The following DYNC1I1 variants were observed in gnomAD, a reference collection of about 807,000 sequenced individuals.
DYNC1I1 encodes the protein cytoplasmic dynein 1 intermediate chain 1.
DYNC1I1 carries 43 observed loss-of-function variants against 86.6 expected under a neutral mutation model. That is an observed-to-expected ratio of 0.50 (90% CI 0.39 to 0.64). The LOEUF (loss-of-function observed/expected upper bound fraction) is 0.64, where lower values mean the gene tolerates loss of function less well. Ranked by LOEUF, DYNC1I1 falls within the 30% of genes least tolerant of loss-of-function variation. The pLI is 0.00. For missense variants in DYNC1I1, 604 were observed against 788.8 expected (o/e 0.77, Z 2.81); for synonymous variants, 262 against 283.7 (o/e 0.92, Z 0.77).
chr7:95,936,880 A>C (rs929249181), intron 6 of DYNC1I1, among the ~76,000 whole-genome samples: 2 of 151,404 alleles, frequency 1.3e-5, no homozygotes, highest in African/African-American at 2.4e-5. Flanking sequence ...GTAACAGTTC[A>C]TTGTAGCATT....
At chr7:95,861,806 C>T (rs1025668419) in intron 5 of DYNC1I1, among the ~76,000 whole-genome samples, 1 of 152,084 alleles carries the variant, frequency 6.6e-6, no homozygotes, top group Admixed American at 6.5e-5. Flanking sequence ...CTTTCATAAC[C>T]CCTGGGAAAC....
chr7:96,020,763 C>T (rs780729218), intron 10 of DYNC1I1, among the ~76,000 whole-genome samples: 9 of 151,990 alleles, frequency 5.9e-5, no homozygotes, highest in Non-Finnish European at 8.8e-5. Context: ...ATGAATGAAT[C>T]GATAAAACCA....
chr7:95,892,461 C>G (rs372574830), intron 6 of DYNC1I1, among the ~76,000 whole-genome samples: 2 of 152,340 alleles, frequency 1.3e-5, no homozygotes, highest in East Asian at 3.9e-4. Context: ...CAGATGCCTG[C>G]CACCACGCCC....
At chr7:95,969,078 T>A (rs1021436567) in intron 6 of DYNC1I1, among the ~76,000 whole-genome samples, 1 of 152,198 alleles carries the variant, frequency 6.6e-6, no homozygotes, top group Admixed American at 6.5e-5. Context: ...TCTTTCAAAG[T>A]ATCTCACCTT....
chr7:95,865,750 G>T (rs560042850), intron 5 of DYNC1I1, among the ~76,000 whole-genome samples: 19 of 152,126 alleles, frequency 1.2e-4, no homozygotes, highest in Non-Finnish European at 1.8e-4. Context: ...TGCTGTACAG[G>T]GTTGTAGCCT....
chr7:95,965,908 G>A (rs1001492729), intron 6 of DYNC1I1, among the ~76,000 whole-genome samples: 1 of 152,108 alleles, frequency 6.6e-6, no homozygotes, highest in African/African-American at 2.4e-5. Context: ...CTCAATTTAG[G>A]TTCCAAGTTG....
intron 6 of DYNC1I1, among the ~76,000 whole-genome samples, chr7:95,918,829 T>G (rs1345735172): frequency 6.6e-6 from 1 of 152,220 alleles, no homozygotes; most frequent in Non-Finnish European, 1.5e-5. Context: ...TATTTTCCCT[T>G]AAACAATACC....
Position 95,838,038 on chromosome 7 carries a change from G to A in DYNC1I1, c.374+9922G>A, listed in dbSNP as rs1402996699. ...TTGTGCAGAAGCTTTTTAGCTTGCT[G>A]TAGTCCCGCTTGTCTACTTTTGCCT... On this transcript the variant is annotated intron_variant, in intron 5 of 16. Transcript: ENST00000447467. Among the ~76,000 whole-genome samples the A allele has an allele frequency of 3.9e-5, 6 of 152,202 alleles. No individual in the cohort carries two copies. In the East Asian group the frequency reaches 9.6e-4, roughly 24 times the overall value.
At chr7:95,884,339 G>A (rs1241822318) in intron 6 of DYNC1I1, among the ~76,000 whole-genome samples, 2 of 152,066 alleles carry the variant, frequency 1.3e-5, no homozygotes, top group Non-Finnish European at 2.9e-5. Flanking sequence ...TCAGATTGGA[G>A]GAGCTCACCT....
rs150145925 is a variant in DYNC1I1 at position 95,977,597 on chromosome 7, G to A, written c.576G>A (p.Lys192=). The A allele has an allele frequency of 6.8e-5, 110 of 1,612,090 alleles. No individual in the cohort carries two copies. The highest frequency in any genetic ancestry group is 9.2e-5 in the Non-Finnish European group (108 of 1,179,266). ...ATCAGGACAAAAAACAGGAAGTGAAGGAAGGTATGATATGGAAAATAAACT... is the reference window on the plus strand; with the variant it reads ...ATCAGGACAAAAAACAGGAAGTGAAAGAAGGTATGATATGGAAAATAAACT... ...LENQDKKQEV[K]EAPPRELTEE... The change falls in exon 7 of 17, where the codon AAG becomes AAA. Residue 192 remains lysine (K), a synonymous_variant. Coordinates refer to ENST00000447467, the MANE Select transcript of DYNC1I1 (RefSeq NM_001135556.2).
At chr7:95,898,677 T>C (rs1056063658) in intron 6 of DYNC1I1, among the ~76,000 whole-genome samples, 1 of 152,250 alleles carries the variant, frequency 6.6e-6, no homozygotes, top group African/African-American at 2.4e-5. Context: ...AAAGAATCAC[T>C]AACTTTCCTC....
At position 95,986,419 on chromosome 7, in the gene DYNC1I1, T is replaced by A. The variant is rs73708445; in HGVS notation, c.744-637T>A. Among the ~76,000 whole-genome samples, 160 of 152,164 alleles carry A rather than the reference T, an allele frequency of 1.1e-3. 3 individuals are homozygous for A. Among genetic ancestry groups the A allele is most frequent in the African/African-American group, 3.8e-3 (158 of 41,530 alleles). On this transcript the variant is annotated intron_variant, in intron 8 of 16. Transcript: ENST00000447467. ...GAAGGAGGTGTTATGGCCAGTTGAG[T>A]GTCAGCCAAGTAAACACTGGCTAAA...
intron 6 of DYNC1I1, among the ~76,000 whole-genome samples, chr7:95,913,114 C>T (rs1791380924): frequency 6.6e-6 from 1 of 152,160 alleles, no homozygotes; most frequent in Non-Finnish European, 1.5e-5. Context: ...GTGTCTCTTT[C>T]ATTACTTGCA....
At chr7:96,028,089 A>G (rs1794724261) in intron 10 of DYNC1I1, 86 bp from the exon 11 acceptor site, 2 of 1,522,028 alleles carry the variant, frequency 1.3e-6, no homozygotes, top group Non-Finnish European at 1.8e-6. Context: ...TGTTGAGTTT[A>G]TGTGATGAAC....
intron 6 of DYNC1I1, among the ~76,000 whole-genome samples, chr7:95,935,778 A>C (rs1792023715): frequency 6.6e-6 from 1 of 152,068 alleles, no homozygotes; most frequent in Admixed American, 6.6e-5. Flanking sequence ...TAATACCCTG[A>C]TTAAGAAATG....
At chr7:96,032,859 C>T in intron 12 of DYNC1I1, 79 bp downstream of exon 12, 1 of 1,241,932 alleles carries the variant, frequency 8.1e-7, no homozygotes, top group Non-Finnish European at 1.2e-6. Context: ...TTCCTAAAAG[C>T]CAAACCCTCA....
chr7:96,076,104 C>T lies in DYNC1I1; in HGVS notation c.1557C>T (p.Tyr519=), dbSNP rs1440780727. 1.9e-6 allele frequency: 3 copies of T among 1,614,126 alleles called. No individual in the cohort carries two copies. The highest frequency in any genetic ancestry group is 1.7e-5 in the Admixed American group (1 of 60,026). Residue 519 remains tyrosine, a synonymous_variant, in exon 15 of 17, where the codon TAC becomes TAT. Coordinates refer to ENST00000447467, the MANE Select transcript of DYNC1I1 (RefSeq NM_001135556.2). ...TTGAAGACAATGCAGACTATGTGTA[C>T]GATGTCATGTGGTCCCCCGTGCATC... is the stretch of plus-strand genomic sequence containing the variant. ...YSFEDNADYV[Y]DVMWSPVHPA...
At chr7:96,079,186 A>G (rs1790437381) in intron 15 of DYNC1I1, among the ~76,000 whole-genome samples, 1 of 152,118 alleles carries the variant, frequency 6.6e-6, no homozygotes, top group South Asian at 2.1e-4. Flanking sequence ...ATTTCGTATA[A>G]ACAGATGGTT....
chr7:95,887,713 T>G (rs1020124550), intron 6 of DYNC1I1, among the ~76,000 whole-genome samples: 1 of 152,162 alleles, frequency 6.6e-6, no homozygotes, highest in African/African-American at 2.4e-5. Context: ...GTTAATATCC[T>G]CCATTTCTGA....
Sources: gnomAD v4.1 joint callset for allele counts (sites outside exome capture counted in the v4.1 genomes callset) on GRCh38, gnomAD v4.1.1 for gene constraint, MANE v1.5 for transcripts, NCBI Gene and HGNC (gene_info 2026-07-23, HGNC 2026-07-21) for gene names.